BCL2L13: variants seen among roughly 807,000 people sequenced by gnomAD.
The protein encoded by BCL2L13 is bcl-2-like protein 13.
A neutral mutation model predicts 25.8 loss-of-function variants in BCL2L13; 13 were observed. That is an observed-to-expected ratio of 0.50 (90% CI 0.33 to 0.80). The LOEUF is 0.80. Among genes scored for constraint, BCL2L13 ranks in the 30% least tolerant of loss-of-function variants. The probability of loss-of-function intolerance (pLI) is 0.02; values close to 1 mark genes in which losing one functional copy is unlikely to be tolerated. For missense variants in BCL2L13, 504 were observed against 574.9 expected (o/e 0.88, Z 1.26); for synonymous variants, 244 against 230.3 (o/e 1.06, Z -0.54).
At chr22:17,667,461 G>A (rs1302789550) in intron 2 of BCL2L13, among the ~76,000 whole-genome samples, 1 of 151,562 alleles carries the variant, frequency 6.6e-6, no homozygotes, top group Non-Finnish European at 1.5e-5. Context: ...GTGAGCCACC[G>A]CACTTGGCCT....
At chr22:17,646,093 C>T (rs945265452) in intron 1 of BCL2L13, among the ~76,000 whole-genome samples, 1 of 151,448 alleles carries the variant, frequency 6.6e-6, no homozygotes, top group Non-Finnish European at 1.5e-5. Flanking sequence ...TTGGTATCCA[C>T]AGGTATCCTG....
At chr22:17,690,493 C>A (rs1382607936) in intron 4 of BCL2L13, among the ~76,000 whole-genome samples, 1 of 151,966 alleles carries the variant, frequency 6.6e-6, no homozygotes, top group East Asian at 1.9e-4. Context: ...GAAATGAAAT[C>A]GTATTTGGTA....
chr22:17,718,983 A>G (rs2061022990), intron 6 of BCL2L13, among the ~76,000 whole-genome samples: 1 of 151,638 alleles, frequency 6.6e-6, no homozygotes, highest in Admixed American at 6.6e-5. Context: ...ACATGGTGAA[A>G]CCCCGTATCT....
intron 6 of BCL2L13, among the ~76,000 whole-genome samples, chr22:17,707,697 G>A (rs758342448): frequency 5.3e-5 from 8 of 152,092 alleles, no homozygotes; most frequent in Non-Finnish European, 1.2e-4. Context: ...AGGTTTGTTG[G>A]CATAAATCTT....
chr22:17,699,567 C>T (rs1322339771), intron 5 of BCL2L13, among the ~76,000 whole-genome samples: 1 of 151,882 alleles, frequency 6.6e-6, no homozygotes, highest in East Asian at 1.9e-4. Context: ...ATTGCAAAAA[C>T]AATTGAAGAA....
rs542667052 is a variant in BCL2L13, at chr22:17,727,593, T to A, written c.*59T>A. The A allele has an allele frequency of 6.3e-7, 1 of 1,587,578 alleles. No homozygotes were observed. The highest frequency in any genetic ancestry group is 1.3e-5 in the African/African-American group (1 of 74,520). On this transcript the variant is annotated 3_prime_UTR_variant, in exon 7 of 7. Coordinates refer to ENST00000317582, the MANE Select transcript of BCL2L13 (RefSeq NM_015367.4). ...AAGGTTGGAGTTGTATTGGCTGGAA[T>A]TTGAACCTCCAGCAGCTGTCTGGAC...
At chr22:17,635,732 C>CA (rs1369979122), upstream of BCL2L13, among the ~76,000 whole-genome samples, 2 of 151,068 alleles carry the variant, frequency 1.3e-5, no homozygotes, top group South Asian at 2.1e-4. Flanking sequence ...TTTTTTTAGA[C>CA]AGAGTCTCAC....
In BCL2L13 at chr22:17,700,373, T is replaced by C. The variant is rs1053766958; in HGVS notation, c.457-1870T>C. 4.6e-5 allele frequency among the ~76,000 whole-genome samples: 7 copies of C among 152,222 alleles called. No individual in the cohort carries two copies. The South Asian group carries it at 1.4e-3, about 31-fold the overall frequency. ...AAACTAGGGTGTCTGCTTTTCGATA[T>C]ATGAAAGAGTTAAATTTGGAACAAA... is the stretch of plus-strand genomic sequence containing the variant. On this transcript the variant is annotated intron_variant, in intron 5 of 6. Coordinates refer to ENST00000317582, the MANE Select transcript of BCL2L13 (RefSeq NM_015367.4).
chr22:17,658,428 C>T (rs2146526713), intron 2 of BCL2L13, among the ~76,000 whole-genome samples: 1 of 152,246 alleles, frequency 6.6e-6, no homozygotes, highest in East Asian at 1.9e-4. Context: ...TGGGGTGCCT[C>T]ATGCCTGTAA....
chr22:17,693,078 A>G (rs2060150109), intron 4 of BCL2L13, among the ~76,000 whole-genome samples: 1 of 152,088 alleles, frequency 6.6e-6, no homozygotes, highest in African/African-American at 2.4e-5. Flanking sequence ...ATGGCCTTTG[A>G]TACCAGATCT....
chr22:17,676,066 A>G (rs2146660109), intron 2 of BCL2L13, among the ~76,000 whole-genome samples: 1 of 152,320 alleles, frequency 6.6e-6, no homozygotes, highest in Admixed American at 6.5e-5. Flanking sequence ...CTAATAATAC[A>G]ATTTTAGAGC....
chr22:17,690,516 T>C (rs781440108), intron 4 of BCL2L13, among the ~76,000 whole-genome samples: 5 of 152,136 alleles, frequency 3.3e-5, no homozygotes, highest in African/African-American at 7.2e-5. Flanking sequence ...CTCAGTACTT[T>C]GGGAGGTCCA....
At chr22:17,709,965 G>A (rs1392426787) in intron 6 of BCL2L13, among the ~76,000 whole-genome samples, 4 of 151,338 alleles carry the variant, frequency 2.6e-5, no homozygotes, top group African/African-American at 9.7e-5. Flanking sequence ...ATTTACTCAG[G>A]AGGCTGAGGC....
chr22:17,712,782 AT>A (rs2060800014), intron 6 of BCL2L13, among the ~76,000 whole-genome samples: 1 of 152,200 alleles, frequency 6.6e-6, no homozygotes, highest in Non-Finnish European at 1.5e-5. Context: ...TTTCAGGAAG[AT>A]TACAGAAATG....
chr22:17,658,120 G>C (rs188737719), intron 2 of BCL2L13, among the ~76,000 whole-genome samples: 1 of 151,728 alleles, frequency 6.6e-6, no homozygotes, highest in African/African-American at 2.4e-5. Context: ...ACGCCCGGCC[G>C]ACATTTCTTT....
In BCL2L13 at chr22:17,653,064, C is replaced by CA. The variant is rs953226213; in HGVS notation, c.-50-2590dup. 9.9e-5 allele frequency among the ~76,000 whole-genome samples: 15 copies of CA among 150,932 alleles called. No individual in the cohort carries two copies. In the East Asian group the frequency reaches 2.5e-3, roughly 26 times the overall value. ...TGGGGGACAGAGTGAGACTCAGTCT[C>CA]AAAAAAAAGAGAAAAAACAGAGTGG... On this transcript the variant is annotated intron_variant, in intron 1 of 6. Transcript: ENST00000317582.
At chr22:17,662,261 G>A (rs1409408480) in intron 2 of BCL2L13, among the ~76,000 whole-genome samples, 2 of 152,032 alleles carry the variant, frequency 1.3e-5, no homozygotes, top group Admixed American at 6.6e-5. Context: ...GGCGGATCAC[G>A]AGGTCAGGAG....
chr22:17,640,162 T>C lies in BCL2L13; in HGVS notation c.-51+1276T>C, dbSNP rs1180450191. On this transcript the variant is annotated intron_variant, in intron 1 of 6. Coordinates refer to ENST00000317582, the MANE Select transcript of BCL2L13 (RefSeq NM_015367.4). ...AGCCACCGCGCACGGTGATACCTTT[T>C]TTTCAACCACCCCCGCGCCACCGCA... Among the ~76,000 whole-genome samples the C allele has an allele frequency of 2.0e-5, 3 of 150,194 alleles. No individual in the cohort carries two copies. The East Asian group carries it at 5.8e-4, about 29-fold the overall frequency.
chr22:17,695,324 C>T (rs780931482), intron 4 of BCL2L13, among the ~76,000 whole-genome samples: 6 of 152,138 alleles, frequency 3.9e-5, no homozygotes, highest in African/African-American at 7.2e-5. Context: ...AGCATGGTAA[C>T]GTTCAGCCTT....
Sources: allele counts gnomAD v4.1 joint callset (sites outside exome capture counted in the v4.1 genomes callset), GRCh38; gene constraint gnomAD v4.1.1; transcripts MANE v1.5; gene names NCBI Gene and HGNC (gene_info 2026-07-23, HGNC 2026-07-21).